KIAA1217: variants seen among roughly 807,000 people sequenced by gnomAD.
The protein encoded by KIAA1217 is sickle tail protein homolog.
Under a neutral mutation model 163.9 loss-of-function variants are expected in KIAA1217, and 88 were observed. That is an observed-to-expected ratio of 0.54 (90% CI 0.45 to 0.64). The LOEUF is 0.64. Ranked by LOEUF, KIAA1217 falls within the 30% of genes least tolerant of loss-of-function variation. The pLI is 0.00. For synonymous variants in KIAA1217, 903 were observed against 923.1 expected, an observed-to-expected ratio of 0.98 and a Z score of 0.39; for missense variants, 2,372 against 2,475.0, an observed-to-expected ratio of 0.96 and a Z score of 0.88.
At chr10:23,702,004 G>C (rs1351260660) in intron 1 of KIAA1217, among the ~76,000 whole-genome samples, 1 of 152,134 alleles carries the variant, frequency 6.6e-6, no homozygotes, top group Non-Finnish European at 1.5e-5. Flanking sequence ...AATAGAAAGA[G>C]AGCCTTGGGT....
At chr10:24,084,595 C>A (rs944554322) in intron 2 of KIAA1217, among the ~76,000 whole-genome samples, 2 of 152,084 alleles carry the variant, frequency 1.3e-5, no homozygotes, top group African/African-American at 4.8e-5. Flanking sequence ...ATTTTAGAGA[C>A]TGGCAAGGGA....
At chr10:23,863,307 C>T (rs945719683) in intron 1 of KIAA1217, among the ~76,000 whole-genome samples, 7 of 152,172 alleles carry the variant, frequency 4.6e-5, no homozygotes, top group African/African-American at 1.2e-4. Context: ...TTAGTGGCAT[C>T]GCTACCTGCT....
intron 10 of KIAA1217, among the ~76,000 whole-genome samples, chr10:24,513,725 A>G (rs1477331339): frequency 6.6e-6 from 1 of 150,668 alleles, no homozygotes; most frequent in Non-Finnish European, 1.5e-5. Context: ...CTGAGGCGGG[A>G]GGATTGCTTG....
chr10:24,507,187 G>A (rs905328121), intron 9 of KIAA1217, among the ~76,000 whole-genome samples: 4 of 152,198 alleles, frequency 2.6e-5, no homozygotes, highest in African/African-American at 9.6e-5. Flanking sequence ...GGACAAAGCT[G>A]ATCCACAAGT....
chr10:24,423,403 A>G (rs767692429), intron 3 of KIAA1217, among the ~76,000 whole-genome samples: 24 of 150,948 alleles, frequency 1.6e-4, no homozygotes, highest in Non-Finnish European at 3.2e-4. Flanking sequence ...TCCTGCCTCA[A>G]ATTCCCAGGT....
At chr10:24,002,855 C>A (rs779610254) in intron 1 of KIAA1217, among the ~76,000 whole-genome samples, 1 of 152,138 alleles carries the variant, frequency 6.6e-6, no homozygotes, top group South Asian at 2.1e-4. Flanking sequence ...CTTATGCCTT[C>A]GCATTCTCAT....
intron 3 of KIAA1217, among the ~76,000 whole-genome samples, chr10:24,387,708 T>C (rs2054208453): frequency 6.6e-6 from 1 of 152,176 alleles, no homozygotes; most frequent in East Asian, 1.9e-4. Flanking sequence ...CAGCAAAGTC[T>C]CAGGATACAA....
At chr10:24,465,185 C>A (rs1564729173) in intron 5 of KIAA1217, among the ~76,000 whole-genome samples, 1 of 151,808 alleles carries the variant, frequency 6.6e-6, no homozygotes, top group Non-Finnish European at 1.5e-5. Context: ...AATAACAAAC[C>A]CTTGCTGATT....
At chr10:24,295,367 A>G (rs1158126395) in intron 2 of KIAA1217, among the ~76,000 whole-genome samples, 2 of 152,218 alleles carry the variant, frequency 1.3e-5, no homozygotes, top group East Asian at 1.9e-4. Flanking sequence ...AAGATCCAAT[A>G]TGGGAAACTC....
At chr10:24,395,655 T>C (rs1032766181) in intron 3 of KIAA1217, among the ~76,000 whole-genome samples, 3 of 152,190 alleles carry the variant, frequency 2.0e-5, no homozygotes, top group African/African-American at 7.2e-5. Context: ...ATTTGGTTCA[T>C]AAAAGGAACC....
At position 23,893,420 on chromosome 10, in the gene KIAA1217, T is replaced by A. The variant is rs10466087; in HGVS notation, c.-320-113805T>A. ...AGTCTTGCTAGTGGTCTATCAATTT[T>A]GTTGATGCTTTCAAAAAACCAGCTC... On this transcript the variant is annotated intron_variant, in intron 1 of 18. Transcript: ENST00000376462. 8.2e-3 allele frequency among the ~76,000 whole-genome samples: 1,248 copies of A among 152,196 alleles called. 22 individuals are homozygous for A. Among genetic ancestry groups the A allele is most frequent in the African/African-American group, 0.029 (1,198 of 41,550 alleles).
At chr10:24,449,927 A>T (rs1440052388) in intron 5 of KIAA1217, among the ~76,000 whole-genome samples, 1 of 152,094 alleles carries the variant, frequency 6.6e-6, no homozygotes, top group East Asian at 1.9e-4. Context: ...CTAGAAGAAA[A>T]CCTCTCTTTG....
intron 2 of KIAA1217, among the ~76,000 whole-genome samples, chr10:24,012,648 C>A (rs57137646): frequency 3.3e-5 from 5 of 152,182 alleles, no homozygotes; most frequent in Non-Finnish European, 7.4e-5. Flanking sequence ...GTTGCTGGAA[C>A]CCTGGAGACT....
At chr10:24,016,609 T>C (rs1173271721) in intron 2 of KIAA1217, among the ~76,000 whole-genome samples, 1 of 152,124 alleles carries the variant, frequency 6.6e-6, no homozygotes, top group African/African-American at 2.4e-5. Flanking sequence ...GTGTAGTATA[T>C]TGTAGTATAG....
At chr10:24,528,399 A>G (rs1436358900) in intron 14 of KIAA1217, among the ~76,000 whole-genome samples, 1 of 146,812 alleles carries the variant, frequency 6.8e-6, no homozygotes, top group East Asian at 2.0e-4. Flanking sequence ...TTAGCTCACT[A>G]TAACTTCCAA....
At chr10:24,205,302 CAAAAAAAAAAAAA>C (rs61292023), upstream of KIAA1217, among the ~76,000 whole-genome samples, 23 of 36,612 alleles carry the variant, frequency 6.3e-4, 4 homozygotes, top group South Asian at 0.014. Context: ...ACTAAAAATA[CAAAAAAAAAAAAA>C]AAAAAAAAAA....
At chr10:24,377,828 G>C (rs1261532822) in intron 2 of KIAA1217, among the ~76,000 whole-genome samples, 1 of 152,134 alleles carries the variant, frequency 6.6e-6, no homozygotes, top group Admixed American at 6.5e-5. Context: ...TAGCAGCTTA[G>C]CCAGGAGGAA....
At chr10:24,222,437 G>A (rs946584395) in intron 2 of KIAA1217, among the ~76,000 whole-genome samples, 5 of 152,148 alleles carry the variant, frequency 3.3e-5, no homozygotes, top group South Asian at 2.1e-4. Context: ...CTTGGGTCTC[G>A]CACAAGAAAG....
intron 2 of KIAA1217, among the ~76,000 whole-genome samples, chr10:24,232,069 A>G (rs2071490226): frequency 6.6e-6 from 1 of 152,240 alleles, no homozygotes; most frequent in Admixed American, 6.5e-5. Flanking sequence ...TGTTGGGATT[A>G]CAGGCGTGAG....
Sources: gnomAD v4.1 joint callset for allele counts (sites outside exome capture counted in the v4.1 genomes callset) on GRCh38, gnomAD v4.1.1 for gene constraint, MANE v1.5 for transcripts, NCBI Gene and HGNC (gene_info 2026-07-23, HGNC 2026-07-21) for gene names.